Variants in SLC35F1 observed in about 807,000 individuals in gnomAD.
SLC35F1 encodes the protein chromosome 6 open reading frame 169.
SLC35F1 carries 14 observed loss-of-function variants against 48.7 expected under a neutral mutation model. That is an observed-to-expected ratio of 0.29 (90% CI 0.19 to 0.45). SLC35F1 has a LOEUF of 0.45. SLC35F1 is among the 20% of genes least tolerant of loss of function. The pLI, the probability that SLC35F1 is intolerant of heterozygous loss-of-function variation, is 1.00. For synonymous variants in SLC35F1, 190 were observed against 202.2 expected, an observed-to-expected ratio of 0.94 and a Z score of 0.51; for missense variants, 404 against 500.0, an observed-to-expected ratio of 0.81 and a Z score of 1.83.
chr6:118,237,324 AAC>A lies in SLC35F1; in HGVS notation c.477+1720_477+1721del, dbSNP rs67116512. 8.6e-3 allele frequency among the ~76,000 whole-genome samples: 1,289 copies of A among 149,704 alleles called. 11 individuals carry two copies. Among genetic ancestry groups the A allele is most frequent in the African/African-American group, 0.027 (1,116 of 40,926 alleles). ...CGCAAGACCTCATGAATTCTAAGAA[AAC>A]ACACACACACACACACACACACACA... On this transcript the variant is annotated intron_variant, in intron 3 of 7. Coordinates refer to ENST00000360388, the MANE Select transcript of SLC35F1 (RefSeq NM_001029858.4).
rs1775697115 is a variant in SLC35F1 at position 117,907,306 on chromosome 6, G to A, written c.-421G>A. Among the ~76,000 whole-genome samples the A allele has an allele frequency of 6.6e-6, 1 of 150,814 alleles. No homozygotes were observed. Among genetic ancestry groups the A allele is most frequent in the African/African-American group, 2.4e-5 (1 of 41,228 alleles). On this transcript the variant is annotated 5_prime_UTR_variant, in exon 1 of 8. Coordinates refer to ENST00000360388, the MANE Select transcript of SLC35F1 (RefSeq NM_001029858.4). Reference sequence around the variant, plus strand: ...GACCGAGCGGGGCACAGGCTGAGGCGGCGCCAGCACAACTGCCGCCGCGCG... The same window carrying A: ...GACCGAGCGGGGCACAGGCTGAGGCAGCGCCAGCACAACTGCCGCCGCGCG...
chr6:118,190,181 G>T (rs1774713116), intron 2 of SLC35F1, among the ~76,000 whole-genome samples: 1 of 152,012 alleles, frequency 6.6e-6, no homozygotes, highest in Non-Finnish European at 1.5e-5. Context: ...GTACTTATTT[G>T]GTCTTGGAAC....
intron 3 of SLC35F1, among the ~76,000 whole-genome samples, chr6:118,264,529 G>A (rs1259907169): frequency 6.6e-6 from 1 of 152,172 alleles, no homozygotes; most frequent in Admixed American, 6.5e-5. Context: ...AACCATTAGA[G>A]GAATAGATCT....
At chr6:118,043,764 C>A (rs777095600) in intron 1 of SLC35F1, among the ~76,000 whole-genome samples, 31 of 152,164 alleles carry the variant, frequency 2.0e-4, no homozygotes, top group Non-Finnish European at 3.7e-4. Flanking sequence ...AGAAAATTTA[C>A]CTTTTTGACC....
chr6:118,071,066 A>G (rs62431228), intron 1 of SLC35F1, among the ~76,000 whole-genome samples: 50 of 4,904 alleles, frequency 0.01, no homozygotes, highest in African/African-American at 0.018. Context: ...TATTCTACGT[A>G]TATATACTAT....
intron 2 of SLC35F1, among the ~76,000 whole-genome samples, chr6:118,159,495 G>C (rs976768532): frequency 2.6e-5 from 4 of 152,166 alleles, no homozygotes; most frequent in Non-Finnish European, 5.9e-5. Flanking sequence ...GACTAAGAAA[G>C]TACAGTGAAG....
chr6:117,998,642 C>T lies in SLC35F1; in HGVS notation c.173+90743C>T, dbSNP rs555622995. ...AAACTCACTCAAAACCACTCAACTA[C>T]ATGGAAACTGAACAACCTGCTCCTG... On this transcript the variant is annotated intron_variant, in intron 1 of 7. Coordinates refer to ENST00000360388, the MANE Select transcript of SLC35F1 (RefSeq NM_001029858.4). Among the ~76,000 whole-genome samples the T allele has an allele frequency of 4.6e-5, 7 of 152,310 alleles. No individual in the cohort carries two copies. In the South Asian group the frequency reaches 6.2e-4, roughly 14 times the overall value.
intron 1 of SLC35F1, among the ~76,000 whole-genome samples, chr6:118,014,431 A>G (rs1777292962): frequency 6.6e-6 from 1 of 152,248 alleles, no homozygotes; most frequent in Admixed American, 6.5e-5. Flanking sequence ...GCTAGGACTT[A>G]TGAACCACAG....
chr6:118,202,500 A>C (rs113179789), intron 2 of SLC35F1, among the ~76,000 whole-genome samples: 1 of 152,184 alleles, frequency 6.6e-6, no homozygotes, highest in Non-Finnish European at 1.5e-5. Context: ...CTGTCCCAAA[A>C]TAAAATAAAA....
intron 7 of SLC35F1, among the ~76,000 whole-genome samples, chr6:118,287,490 C>T (rs1175088929): frequency 6.6e-6 from 1 of 152,214 alleles, no homozygotes; most frequent in East Asian, 1.9e-4. Context: ...CCCAGGCCAG[C>T]TCCCAGCATG....
intron 1 of SLC35F1, among the ~76,000 whole-genome samples, chr6:117,919,458 A>T (rs1328462047): frequency 1.3e-5 from 2 of 152,172 alleles, no homozygotes; most frequent in African/African-American, 4.8e-5. Flanking sequence ...TGGTCCCAAA[A>T]TTAAAAGGAG....
intron 1 of SLC35F1, among the ~76,000 whole-genome samples, chr6:118,110,926 T>C (rs1301504653): frequency 6.6e-6 from 1 of 152,060 alleles, no homozygotes; most frequent in Middle Eastern, 3.4e-3. Context: ...TCCAGGGGTG[T>C]TGTTGGGCTT....
At chr6:118,008,810 T>A (rs1326517749) in intron 1 of SLC35F1, among the ~76,000 whole-genome samples, 2 of 152,208 alleles carry the variant, frequency 1.3e-5, no homozygotes, top group African/African-American at 4.8e-5. Flanking sequence ...TAACAATCTT[T>A]AATATTTTGC....
intron 1 of SLC35F1, among the ~76,000 whole-genome samples, chr6:118,075,319 G>A (rs1488246162): frequency 6.6e-6 from 1 of 152,182 alleles, no homozygotes; most frequent in African/African-American, 2.4e-5. Flanking sequence ...TACAGTAAGA[G>A]CTTAATGCTA....
chr6:118,032,160 T>G (rs1459334954), intron 1 of SLC35F1, among the ~76,000 whole-genome samples: 1 of 152,206 alleles, frequency 6.6e-6, no homozygotes, highest in Non-Finnish European at 1.5e-5. Context: ...CCAGATACAT[T>G]TTCTTTCTTT....
chr6:117,938,046 G>T (rs1582573850), intron 1 of SLC35F1, among the ~76,000 whole-genome samples: 1 of 152,124 alleles, frequency 6.6e-6, no homozygotes, highest in East Asian at 1.9e-4. Flanking sequence ...GGCATAAAAT[G>T]ACATCAAAAC....
At chr6:117,953,594 A>C (rs1341209065) in intron 1 of SLC35F1, among the ~76,000 whole-genome samples, 1 of 152,210 alleles carries the variant, frequency 6.6e-6, no homozygotes, top group Non-Finnish European at 1.5e-5. Context: ...CAGAAGCATG[A>C]ACAAAACCTC....
At chr6:118,065,386 G>A (rs1018026133) in intron 1 of SLC35F1, among the ~76,000 whole-genome samples, 6 of 151,942 alleles carry the variant, frequency 3.9e-5, no homozygotes, top group African/African-American at 1.2e-4. Flanking sequence ...GACTTATACT[G>A]TACTATACTG....
intron 1 of SLC35F1, among the ~76,000 whole-genome samples, chr6:118,047,717 A>G (rs1159477445): frequency 4.6e-5 from 7 of 152,178 alleles, no homozygotes; most frequent in Non-Finnish European, 1.0e-4. Flanking sequence ...TGGCTCTGGA[A>G]ATAATAGCAA....
Sources: gnomAD v4.1 joint callset for allele counts (sites outside exome capture counted in the v4.1 genomes callset) on GRCh38, gnomAD v4.1.1 for gene constraint, MANE v1.5 for transcripts, NCBI Gene and HGNC (gene_info 2026-07-23, HGNC 2026-07-21) for gene names.